SRGAP3: variants seen among roughly 807,000 people sequenced by gnomAD.
SRGAP3 encodes SLIT-ROBO Rho GTPase-activating protein 3.
A neutral mutation model predicts 121.1 loss-of-function variants in SRGAP3; 39 were observed. That is an observed-to-expected ratio of 0.32 (90% CI 0.25 to 0.42). The LOEUF is 0.42. Ranked by LOEUF, SRGAP3 falls within the 10% of genes least tolerant of loss-of-function variation. The probability of loss-of-function intolerance (pLI) is 1.00; values close to 1 mark genes in which losing one functional copy is unlikely to be tolerated. For missense variants in SRGAP3, 1,213 were observed against 1,470.6 expected, an observed-to-expected ratio of 0.82 and a Z score of 2.86; for synonymous variants, 601 against 570.0, an observed-to-expected ratio of 1.05 and a Z score of -0.77.
At chr3:9,003,455 G>C (rs1250670385) in intron 18 of SRGAP3, among the ~76,000 whole-genome samples, 1 of 149,994 alleles carries the variant, frequency 6.7e-6, no homozygotes, top group Non-Finnish European at 1.5e-5. Flanking sequence ...CTACAGCCTG[G>C]GTGACAGAGT....
chr3:9,204,305 A>C (rs2125164384), intron 1 of SRGAP3, among the ~76,000 whole-genome samples: 1 of 152,370 alleles, frequency 6.6e-6, no homozygotes, highest in Admixed American at 6.5e-5. Context: ...ACAGCCCTGG[A>C]CAGAGCCTTA....
intron 8 of SRGAP3, among the ~76,000 whole-genome samples, chr3:9,054,299 T>C (rs930683644): frequency 3.3e-5 from 5 of 152,226 alleles, no homozygotes; most frequent in Admixed American, 6.5e-5. Flanking sequence ...TTAAGTCTGA[T>C]AGAAACATTT....
intron 1 of SRGAP3, among the ~76,000 whole-genome samples, chr3:9,127,691 C>G (rs2124994975): frequency 6.6e-6 from 1 of 152,294 alleles, no homozygotes; most frequent in African/African-American, 2.4e-5. Context: ...TCGTGATCCA[C>G]CCGCCTTGGC....
At chr3:9,063,987 G>A (rs1946299669) in intron 5 of SRGAP3, among the ~76,000 whole-genome samples, 1 of 152,140 alleles carries the variant, frequency 6.6e-6, no homozygotes, top group Non-Finnish European at 1.5e-5. Flanking sequence ...TCAGCAATCA[G>A]TTCCCACCTC....
rs113318879 is a variant in SRGAP3 at position 9,360,106 on chromosome 3, T to A, written n.214+2734A>T. Reference sequence around the variant, plus strand: ...CACCACACCCAGCTACTTTCTAAATTTTTTGTAGAGACAGGTCTCCCTATG... The same window carrying A: ...CACCACACCCAGCTACTTTCTAAATATTTTGTAGAGACAGGTCTCCCTATG... On this transcript the variant is annotated intron_variant and non_coding_transcript_variant, in intron 1 of 3. Coordinates refer to the SRGAP3 transcript ENST00000490889. 3.1e-3 allele frequency among the ~76,000 whole-genome samples: 477 copies of A among 152,256 alleles called. 2 individuals carry two copies. Among genetic ancestry groups the A allele is most frequent in the African/African-American group, 0.011 (455 of 41,544 alleles).
chr3:9,029,421 A>G (rs2125081621), intron 12 of SRGAP3, among the ~76,000 whole-genome samples: 1 of 152,306 alleles, frequency 6.6e-6, no homozygotes. Context: ...AACATCAAGG[A>G]TTTTGAAAGG....
intron 1 of SRGAP3, among the ~76,000 whole-genome samples, chr3:9,126,903 C>T (rs1417140532): frequency 6.6e-6 from 1 of 152,164 alleles, no homozygotes; most frequent in Non-Finnish European, 1.5e-5. Context: ...CAAAATTACA[C>T]TTGTACTCCA....
chr3:9,292,960 T>C (rs1954893333), intron 3 of SRGAP3: 1 of 151,638 alleles, frequency 6.6e-6, no homozygotes, highest in Admixed American at 6.6e-5. Flanking sequence ...ATCTGACTCT[T>C]CTTTGTAAAC....
chr3:9,043,974 T>TGAGAATTC (rs1945136780), intron 10 of SRGAP3, among the ~76,000 whole-genome samples: 1 of 152,170 alleles, frequency 6.6e-6, no homozygotes, highest in African/African-American at 2.4e-5. Context: ...GATGATAAAC[T>TGAGAATTC]GAGAATTCTC....
At chr3:9,280,343 C>A (rs920394473) in intron 3 of SRGAP3, among the ~76,000 whole-genome samples, 1 of 152,240 alleles carries the variant, frequency 6.6e-6, no homozygotes, top group African/African-American at 2.4e-5. Context: ...GCCAAGTTTG[C>A]TCCCTTTCTG....
chr3:9,072,494 T>A (rs563180574), intron 4 of SRGAP3, among the ~76,000 whole-genome samples: 15 of 152,336 alleles, frequency 9.8e-5, no homozygotes, highest in African/African-American at 3.6e-4. Flanking sequence ...ACCTCTTCCA[T>A]TCTGCTTAGG....
chr3:8,999,459 C>A (rs1447025194), intron 18 of SRGAP3, among the ~76,000 whole-genome samples: 2 of 152,152 alleles, frequency 1.3e-5, no homozygotes, highest in Admixed American at 6.5e-5. Context: ...TTCCAGAGAA[C>A]TCTGTTATAG....
At chr3:9,213,135 C>A (rs1181634303) in intron 1 of SRGAP3, among the ~76,000 whole-genome samples, 1 of 152,194 alleles carries the variant, frequency 6.6e-6, no homozygotes, top group Non-Finnish European at 1.5e-5. Flanking sequence ...TCTGGGATCA[C>A]GGCTGCTCCT....
At chr3:9,234,688 C>T (rs1953341244) in intron 1 of SRGAP3, among the ~76,000 whole-genome samples, 1 of 152,176 alleles carries the variant, frequency 6.6e-6, no homozygotes, top group East Asian at 1.9e-4. Flanking sequence ...AAAATGCTCT[C>T]ACCAGCAATC....
chr3:9,008,726 TC>T (rs1943210964), intron 18 of SRGAP3, among the ~76,000 whole-genome samples: 1 of 152,142 alleles, frequency 6.6e-6, no homozygotes, highest in Non-Finnish European at 1.5e-5. Flanking sequence ...AGGAGTCTGA[TC>T]AAGCTGAACG....
At chr3:9,226,561 G>A (rs554921558) in intron 1 of SRGAP3, among the ~76,000 whole-genome samples, 300 of 152,166 alleles carry the variant, frequency 2.0e-3, no homozygotes, top group Non-Finnish European at 3.7e-3. Context: ...AATCAGATTA[G>A]GTTTTTTGGC....
chr3:9,096,658 A>C (rs887368149), intron 3 of SRGAP3, among the ~76,000 whole-genome samples: 1 of 151,954 alleles, frequency 6.6e-6, no homozygotes, highest in Non-Finnish European at 1.5e-5. Flanking sequence ...CCTAGCCAAG[A>C]CAATAAGGCA....
chr3:9,079,887 T>C, intron 4 of SRGAP3, 138 bp downstream of exon 4: 1 of 785,272 alleles, frequency 1.3e-6, no homozygotes, highest in Non-Finnish European at 2.1e-6. Context: ...CCTGACACGA[T>C]GACCCACTGT....
intron 2 of SRGAP3, among the ~76,000 whole-genome samples, chr3:9,107,344 C>A (rs1053006115): frequency 1.3e-5 from 2 of 152,206 alleles, no homozygotes; most frequent in African/African-American, 4.8e-5. Flanking sequence ...TGGTTCCAGT[C>A]TATAACAGAG....
Sources: gnomAD v4.1 joint callset for allele counts (sites outside exome capture counted in the v4.1 genomes callset) on GRCh38, gnomAD v4.1.1 for gene constraint, MANE v1.5 for transcripts, NCBI Gene and HGNC (gene_info 2026-07-23, HGNC 2026-07-21) for gene names.